Variants in SMYD3 observed in about 807,000 individuals in gnomAD.
The protein encoded by SMYD3 is histone-lysine N-methyltransferase SMYD3.
A neutral mutation model predicts 57.7 loss-of-function variants in SMYD3; 36 were observed. The ratio of observed to expected loss-of-function variants is 0.62; its 90% CI spans 0.48 to 0.82. SMYD3 has a LOEUF of 0.82. SMYD3 is among the 40% of genes least tolerant of loss of function. SMYD3 has a pLI of 0.00. For missense variants in SMYD3, 515 were observed against 538.8 expected, an observed-to-expected ratio of 0.96 and a Z score of 0.44; for synonymous variants, 211 against 195.0, an observed-to-expected ratio of 1.08 and a Z score of -0.68.
intron 10 of SMYD3, among the ~76,000 whole-genome samples, chr1:245,823,246 A>C (rs1303487214): frequency 6.6e-6 from 1 of 152,156 alleles, no homozygotes; most frequent in Admixed American, 6.5e-5. Context: ...CGATTGCAAA[A>C]TCCATTTCTC....
chr1:245,791,464 C>T (rs1398738519), intron 10 of SMYD3, among the ~76,000 whole-genome samples: 2 of 152,184 alleles, frequency 1.3e-5, no homozygotes, highest in Non-Finnish European at 2.9e-5. Flanking sequence ...CACTGTGTCT[C>T]TGCTAGTAAT....
chr1:246,266,807 G>GA (rs35412783), intron 5 of SMYD3, among the ~76,000 whole-genome samples: 15 of 151,600 alleles, frequency 9.9e-5, no homozygotes, highest in East Asian at 7.8e-4. Context: ...AAGAGAGAGA[G>GA]AGAAGAGAAA....
chr1:246,075,739 AT>A (rs771199606), intron 5 of SMYD3, among the ~76,000 whole-genome samples: 16 of 152,252 alleles, frequency 1.1e-4, no homozygotes, highest in South Asian at 6.2e-4. Flanking sequence ...TCTTCAAAAT[AT>A]ATATGGCTAC....
intron 5 of SMYD3, among the ~76,000 whole-genome samples, chr1:246,106,612 A>G (rs999558504): frequency 1.3e-5 from 2 of 152,162 alleles, no homozygotes; most frequent in Non-Finnish European, 1.5e-5. Flanking sequence ...GAGGTGCCAC[A>G]AGTCACTTAG....
intron 5 of SMYD3, among the ~76,000 whole-genome samples, chr1:246,023,081 T>G (rs777052625): frequency 1.3e-5 from 2 of 152,212 alleles, no homozygotes; most frequent in Non-Finnish European, 2.9e-5. Flanking sequence ...CAGGTGTGCC[T>G]CTCCATTTAG....
chr1:246,107,112 C>T (rs570025213), intron 5 of SMYD3, among the ~76,000 whole-genome samples: 3 of 113,478 alleles, frequency 2.6e-5, no homozygotes, highest in Non-Finnish European at 1.7e-5. Flanking sequence ...ACGGTGAAAC[C>T]CCGTCTCTAC....
chr1:245,947,895 C>G (rs1489038440), intron 5 of SMYD3, among the ~76,000 whole-genome samples: 1 of 152,186 alleles, frequency 6.6e-6, no homozygotes, highest in African/African-American at 2.4e-5. Context: ...AAGTAAGTCA[C>G]AGTGTACGTA....
intron 1 of SMYD3, 65 bp downstream of exon 1, chr1:246,506,989 G>GCCCCCCCCCCCCCCCCCCC (rs1182642267): frequency 1.7e-5 from 11 of 650,564 alleles, no homozygotes; most frequent in East Asian, 6.5e-5. Flanking sequence ...GCCGCCCGAC[G>GCCCCCCCCCCCCCCCCCCC]CCCCCCCCTC....
chr1:246,483,312 T>C (rs1384621486), intron 1 of SMYD3: 1 of 152,142 alleles, frequency 6.6e-6, no homozygotes, highest in Non-Finnish European at 1.5e-5. Context: ...GAGCATTACA[T>C]AATGAGTCAT....
intron 5 of SMYD3, among the ~76,000 whole-genome samples, chr1:245,952,510 T>C (rs1481815687): frequency 2.6e-5 from 4 of 152,116 alleles, no homozygotes; most frequent in African/African-American, 9.7e-5. Context: ...CTAGAATCAA[T>C]CAGAAAGCCG....
intron 9 of SMYD3, among the ~76,000 whole-genome samples, chr1:245,861,849 G>A (rs894857764): frequency 1.5e-5 from 2 of 132,804 alleles, no homozygotes; most frequent in Admixed American, 1.6e-4. Context: ...CAATATAGGA[G>A]AGTAGTGAGT....
At position 246,179,182 on chromosome 1, in the gene SMYD3, A is replaced by C. The variant is rs2062488812; in HGVS notation, c.531+148019T>G. 3.2e-5 allele frequency: 5 copies of C among 154,784 alleles called. No individual in the cohort carries two copies. In the South Asian group the frequency reaches 9.9e-4, roughly 31 times the overall value. 9.6% of individuals were successfully genotyped at this position (154,784 alleles called of 1,614,324 possible). ...AGCTTCCAGTGAGGTCACTGCACCCAAAGAAGAGGAGCAGTCAAGCTAACG... is the reference window on the plus strand; with the variant it reads ...AGCTTCCAGTGAGGTCACTGCACCCCAAGAAGAGGAGCAGTCAAGCTAACG... On this transcript the variant is annotated intron_variant, in intron 5 of 11. Transcript: ENST00000490107.
intron 5 of SMYD3, among the ~76,000 whole-genome samples, chr1:246,197,235 G>A (rs893464847): frequency 6.6e-6 from 1 of 152,216 alleles, no homozygotes; most frequent in African/African-American, 2.4e-5. Context: ...CTTCAAGGAG[G>A]TGGAACGTGG....
intron 5 of SMYD3, among the ~76,000 whole-genome samples, chr1:245,967,285 G>A (rs2058179936): frequency 6.6e-6 from 1 of 152,086 alleles, no homozygotes; most frequent in Non-Finnish European, 1.5e-5. Flanking sequence ...TTGACTGAAT[G>A]TTTCAAAAAA....
intron 5 of SMYD3, among the ~76,000 whole-genome samples, chr1:246,282,110 T>C (rs2064455543): frequency 6.6e-6 from 1 of 151,988 alleles, no homozygotes; most frequent in African/African-American, 2.4e-5. Context: ...ACTTTACTTA[T>C]ATAGATCATG....
At chr1:246,278,251 A>AG (rs1469143768) in intron 5 of SMYD3, among the ~76,000 whole-genome samples, 3 of 151,638 alleles carry the variant, frequency 2.0e-5, no homozygotes, top group Non-Finnish European at 4.4e-5. Context: ...AGAAAAAAAA[A>AG]AAAGCTGAGA....
rs534547128 is a variant in SMYD3, at chr1:246,289,750, C to T, written c.531+37451G>A. Among the ~76,000 whole-genome samples, 636 of 152,164 alleles carry T rather than the reference C, an allele frequency of 4.2e-3. 2 individuals are homozygous for T. The highest frequency in any genetic ancestry group is 6.7e-3 in the Non-Finnish European group (456 of 68,002). The stretch of plus-strand genomic sequence containing the variant: ...TGCTAGTGGCTAGAGGAGATTTTAC[C>T]TGCATCTAACAGTAACCATGAACTC... On this transcript the variant is annotated intron_variant, in intron 5 of 11. Transcript: ENST00000490107.
intron 5 of SMYD3, among the ~76,000 whole-genome samples, chr1:246,214,621 G>T (rs959699064): frequency 6.6e-6 from 1 of 152,136 alleles, no homozygotes; most frequent in African/African-American, 2.4e-5. Context: ...GGCTAAGAGA[G>T]AAACCAATTT....
At chr1:246,094,265 T>G (rs181337105) in intron 5 of SMYD3, among the ~76,000 whole-genome samples, 1 of 152,292 alleles carries the variant, frequency 6.6e-6, no homozygotes, top group Non-Finnish European at 1.5e-5. Flanking sequence ...AGGTACCTCA[T>G]GTGCCAGGTC....
Sources: allele counts gnomAD v4.1 joint callset (sites outside exome capture counted in the v4.1 genomes callset), GRCh38; gene constraint gnomAD v4.1.1; transcripts MANE v1.5; gene names NCBI Gene and HGNC (gene_info 2026-07-23, HGNC 2026-07-21).